DCHS2: variants seen among roughly 807,000 people sequenced by gnomAD.
DCHS2 encodes the protein protocadherin-23.
Under a neutral mutation model 182.4 loss-of-function variants are expected in DCHS2, and 142 were observed. The ratio of observed to expected loss-of-function variants is 0.78; its 90% CI spans 0.68 to 0.89. DCHS2 has a LOEUF of 0.89. Among genes scored for constraint, DCHS2 ranks in the 40% least tolerant of loss-of-function variants. The pLI is 0.00. For missense variants in DCHS2, 4,319 were observed against 4,198.6 expected, an observed-to-expected ratio of 1.03 and a Z score of -0.79; for synonymous variants, 1,740 against 1,663.3, an observed-to-expected ratio of 1.05 and a Z score of -1.12.
In DCHS2 at chr4:154,490,601, C is replaced by T. The variant is rs994816537; in HGVS notation, c.755G>A (p.Arg252Gln). The T allele has an allele frequency of 1.3e-6, 2 of 1,547,548 alleles. No homozygotes were observed. The highest frequency in any genetic ancestry group is 1.7e-6 in the Non-Finnish European group (2 of 1,146,456). Reference sequence around the variant, plus strand: ...CGCCGCCTCCTCTCGGTCCAAGCGCCGCAGCAGCACCAGATCTAGAGGCTC... The same window carrying T: ...CGCCGCCTCCTCTCGGTCCAAGCGCTGCAGCAGCACCAGATCTAGAGGCTC... ...PLEPLDLVLL[R>Q]RLDREEAAAH... Residue 252 changes from arginine (R) to glutamine (Q), a missense_variant, in exon 1 of 20, where the codon CGG becomes CAG. Coordinates refer to ENST00000357232, the MANE Select transcript of DCHS2 (RefSeq NM_001358235.2).
intron 1 of DCHS2, among the ~76,000 whole-genome samples, chr4:154,424,358 T>C (rs2110920842): frequency 6.6e-6 from 1 of 152,236 alleles, no homozygotes. Context: ...GTGTGTACTC[T>C]CTAAAAAAGA....
Position 154,286,234 on chromosome 4 carries a change from G to A in DCHS2, c.6463+11617C>T, listed in dbSNP as rs117515230. Among the ~76,000 whole-genome samples, 61 of 151,914 alleles carry A rather than the reference G, an allele frequency of 4.0e-4. No individual in the cohort carries two copies. The East Asian group carries it at 7.8e-3, about 19-fold the overall frequency. ...ACCTGGAAAGTCTTGCCAAGAAGAA[G>A]AGATGCAAACAACCTAGATGGCAAA... On this transcript the variant is annotated intron_variant, in intron 13 of 19. Transcript: ENST00000357232.
intron 1 of DCHS2, among the ~76,000 whole-genome samples, chr4:154,396,958 T>G (rs958913611): frequency 6.6e-6 from 1 of 152,166 alleles, no homozygotes; most frequent in African/African-American, 2.4e-5. Flanking sequence ...TGATATAACT[T>G]CTTCAAACAG....
intron 11 of DCHS2, 50 bp downstream of exon 11, chr4:154,305,046 TA>T (rs751661351): frequency 6.6e-7 from 1 of 1,515,902 alleles, no homozygotes; most frequent in Middle Eastern, 2.0e-4. Flanking sequence ...AGGTTTTTTT[TA>T]AATTTAATTT....
chr4:154,372,393 T>A (rs756446833), intron 2 of DCHS2, among the ~76,000 whole-genome samples: 1 of 152,234 alleles, frequency 6.6e-6, no homozygotes, highest in Non-Finnish European at 1.5e-5. Flanking sequence ...TGAGCACAAC[T>A]TCAGTAGCCA....
At chr4:154,403,757 G>A (rs1279200222) in intron 1 of DCHS2, among the ~76,000 whole-genome samples, 1 of 152,090 alleles carries the variant, frequency 6.6e-6, no homozygotes, top group Admixed American at 6.5e-5. Flanking sequence ...GAAAAAGAGT[G>A]GGTAATTATT....
chr4:154,490,477 C>A lies in DCHS2; in HGVS notation c.879G>T (p.Pro293=), dbSNP rs1265823735. 2.6e-6 allele frequency: 4 copies of A among 1,536,716 alleles called. No homozygotes were observed. The highest frequency in any genetic ancestry group is 1.7e-4 in the Middle Eastern group (1 of 5,976). Residue 293 remains proline (P), a synonymous_variant, in exon 1 of 20, where the codon CCG becomes CCT. Coordinates refer to ENST00000357232, the MANE Select transcript of DCHS2 (RefSeq NM_001358235.2). ...ELRVLDENDN[P]PVFEQDEYRA... is the part of the protein sequence containing the mutation. ...GGTACTCGTCCTGCTCAAAGACCGGCGGGTTGTCGTTCTCATCCAGCACGC... is the reference window on the plus strand; with the variant it reads ...GGTACTCGTCCTGCTCAAAGACCGGAGGGTTGTCGTTCTCATCCAGCACGC...
chr4:154,356,445 G>A (rs1355858862), intron 3 of DCHS2, among the ~76,000 whole-genome samples: 1 of 152,142 alleles, frequency 6.6e-6, no homozygotes, highest in Non-Finnish European at 1.5e-5. Context: ...TAGCCTAAGT[G>A]TAGTATTTCT....
intron 1 of DCHS2, among the ~76,000 whole-genome samples, chr4:154,397,094 G>A (rs1403887792): frequency 6.6e-6 from 1 of 152,184 alleles, no homozygotes; most frequent in African/African-American, 2.4e-5. Flanking sequence ...AGGAAGCACA[G>A]GGGCATGTAA....
intron 2 of DCHS2, among the ~76,000 whole-genome samples, chr4:154,366,727 G>A (rs1480613721): frequency 6.6e-6 from 1 of 152,062 alleles, no homozygotes; most frequent in Non-Finnish European, 1.5e-5. Context: ...ATAGGTAACA[G>A]CATGGTATGT....
intron 1 of DCHS2, among the ~76,000 whole-genome samples, chr4:154,388,661 A>T (rs1053982454): frequency 2.6e-5 from 4 of 151,462 alleles, no homozygotes; most frequent in African/African-American, 2.4e-5. Flanking sequence ...CGGCTGTCTA[A>T]TTTTTTTTAT....
intron 1 of DCHS2, among the ~76,000 whole-genome samples, chr4:154,397,178 T>A (rs745499682): frequency 3.3e-5 from 5 of 152,150 alleles, no homozygotes; most frequent in Non-Finnish European, 5.9e-5. Context: ...AAAGCCAACA[T>A]AAGTCAGCAT....
At position 154,235,431 on chromosome 4, in the gene DCHS2, A is replaced by G. The variant is rs777426357; in HGVS notation, c.9221T>C (p.Leu3074Ser). ...PVDATPEWLS[L>S]ISIMEKDIVN... The stretch of plus-strand genomic sequence containing the variant: ...AATATCCTTCTCCATGATACTTATT[A>G]AACTCAACCATTCCGGAGTGGCATC... Residue 3074 changes from leucine to serine, a missense_variant, in exon 20 of 20, where the codon TTA (leucine) becomes TCA (serine). By Grantham distance (145) the Leu-to-Ser change is moderately radical (BLOSUM62 -2). Transcript: ENST00000357232. 1.2e-6 allele frequency: 2 copies of G among 1,613,942 alleles called. No individual in the cohort carries two copies. The highest frequency in any genetic ancestry group is 1.3e-5 in the African/African-American group (1 of 74,896).
chr4:154,463,154 TAA>T (rs1208215757), intron 1 of DCHS2, among the ~76,000 whole-genome samples: 3 of 78,542 alleles, frequency 3.8e-5, no homozygotes, highest in East Asian at 8.7e-4. Flanking sequence ...TGTATATATA[TAA>T]GTGTGTGTAT....
intron 3 of DCHS2, chr4:154,343,777 A>G: frequency 2.1e-6 from 2 of 959,930 alleles, no homozygotes; most frequent in Non-Finnish European, 2.7e-6. Context: ...CTTTCTTATC[A>G]TTTTTCTGTT....
intron 10 of DCHS2, among the ~76,000 whole-genome samples, chr4:154,307,424 T>C (rs944799424): frequency 8.2e-6 from 1 of 121,424 alleles, no homozygotes; most frequent in Admixed American, 9.6e-5. Context: ...AATACACACA[T>C]ACACAGATGT....
intron 1 of DCHS2, among the ~76,000 whole-genome samples, chr4:154,440,123 G>A (rs1907154): frequency 0.46 from 70,095 of 151,992 alleles, 16,651 homozygotes; most frequent in Middle Eastern, 0.68. Flanking sequence ...AGAATGCTCC[G>A]TGCCAAGTGC....
At chr4:154,344,922 T>G (rs1250334845) in intron 3 of DCHS2, among the ~76,000 whole-genome samples, 1 of 152,152 alleles carries the variant, frequency 6.6e-6, no homozygotes, top group Non-Finnish European at 1.5e-5. Flanking sequence ...GTCCAAAAGG[T>G]CTTGCGTGGC....
At chr4:154,281,885 A>G (rs2111236606) in intron 13 of DCHS2, among the ~76,000 whole-genome samples, 1 of 152,278 alleles carries the variant, frequency 6.6e-6, no homozygotes, top group African/African-American at 2.4e-5. Flanking sequence ...CATGTATATG[A>G]TCAAATGAAC....
Sources: gnomAD v4.1 joint callset for allele counts (sites outside exome capture counted in the v4.1 genomes callset) on GRCh38, gnomAD v4.1.1 for gene constraint, MANE v1.5 for transcripts, NCBI Gene and HGNC (gene_info 2026-07-23, HGNC 2026-07-21) for gene names.